Variants in ATF2 observed in about 807,000 individuals in gnomAD.
ATF2 encodes cyclic AMP-dependent transcription factor ATF-2.
In ATF2, 24 loss-of-function variants were observed where a neutral mutation model predicts 60.6. That is an observed-to-expected ratio of 0.40 (90% CI 0.29 to 0.56). The LOEUF (loss-of-function observed/expected upper bound fraction) is 0.56. Among genes scored for constraint, ATF2 ranks in the 20% least tolerant of loss-of-function variants. The pLI, the probability that ATF2 is intolerant of heterozygous loss-of-function variation, is 0.54. For synonymous variants in ATF2, 206 were observed against 215.4 expected (o/e 0.96, Z 0.38); for missense variants, 433 against 607.7 (o/e 0.71, Z 3.02).
intron 10 of ATF2, among the ~76,000 whole-genome samples, chr2:175,103,106 T>G (rs1053160358): frequency 4.6e-5 from 7 of 152,220 alleles, no homozygotes; most frequent in African/African-American, 1.7e-4. Flanking sequence ...AAATAAATTT[T>G]ATCACATCTG....
rs758323363 is a variant in ATF2 at position 175,114,150 on chromosome 2, A to G, written c.627-42T>C. ...AAGAGAAATTTTAAAAAAGAGATTCATACCAACTGTCTCTTAAAAATACAA... is the reference window on the plus strand; with the variant it reads ...AAGAGAAATTTTAAAAAAGAGATTCGTACCAACTGTCTCTTAAAAATACAA... On this transcript the variant is annotated intron_variant, in intron 8 of 13. Transcript: ENST00000264110. 9 of 1,530,108 alleles carry G rather than the reference A, an allele frequency of 5.9e-6. No individual in the cohort carries two copies. In the Middle Eastern group the frequency reaches 8.7e-4, roughly 147 times the overall value. The allele number at this position is 1,530,108 out of a possible 1,614,324, so 94.8% of individuals were successfully genotyped here. A position where few individuals can be genotyped will look rare whatever the true frequency, so the allele number is the denominator to read the frequency against.
intron 2 of ATF2, among the ~76,000 whole-genome samples, chr2:175,149,902 A>C (rs999228850): frequency 1.6e-4 from 25 of 152,084 alleles, no homozygotes; most frequent in African/African-American, 6.0e-4. Context: ...CCCTACCCTC[A>C]AATTTGGATC....
At chr2:175,157,396 A>G (rs1699752713) in intron 1 of ATF2, among the ~76,000 whole-genome samples, 1 of 152,126 alleles carries the variant, frequency 6.6e-6, no homozygotes, top group East Asian at 1.9e-4. Context: ...ACCAATCAGG[A>G]GTCTTGAGAT....
intron 4 of ATF2, among the ~76,000 whole-genome samples, chr2:175,129,165 A>G (rs1263019817): frequency 6.6e-6 from 1 of 152,198 alleles, no homozygotes; most frequent in Non-Finnish European, 1.5e-5. Flanking sequence ...GGAATTAACT[A>G]TTGGTAACAT....
chr2:175,078,007 G>A (rs375381129), intron 13 of ATF2, among the ~76,000 whole-genome samples: 2 of 152,104 alleles, frequency 1.3e-5, no homozygotes, highest in African/African-American at 2.4e-5. Context: ...TCTCCCTGTC[G>A]CCCAGGCTGG....
At chr2:175,112,848 G>C (rs935095137) in intron 9 of ATF2, among the ~76,000 whole-genome samples, 6 of 152,182 alleles carry the variant, frequency 3.9e-5, no homozygotes, top group African/African-American at 1.4e-4. Context: ...GTCTCCCAAA[G>C]TGCTGGGATT....
At chr2:175,099,247 GTGCA>G (rs986886980) in intron 10 of ATF2, among the ~76,000 whole-genome samples, 35 of 151,966 alleles carry the variant, frequency 2.3e-4, no homozygotes, top group African/African-American at 8.4e-4. Flanking sequence ...GGGATTACAG[GTGCA>G]TGCCACCACG....
chr2:175,143,862 G>A (rs1220744818), intron 2 of ATF2, among the ~76,000 whole-genome samples: 1 of 151,972 alleles, frequency 6.6e-6, no homozygotes, highest in African/African-American at 2.4e-5. Flanking sequence ...GCATGATCAT[G>A]GTTCACTACA....
At chr2:175,077,123 G>C (rs1410465921) in intron 13 of ATF2, among the ~76,000 whole-genome samples, 1 of 152,002 alleles carries the variant, frequency 6.6e-6, no homozygotes, top group Non-Finnish European at 1.5e-5. Context: ...CAAAGGACAT[G>C]AACTCATCAT....
chr2:175,156,319 C>T (rs1045882303), intron 1 of ATF2, among the ~76,000 whole-genome samples: 2 of 139,144 alleles, frequency 1.4e-5, no homozygotes, highest in African/African-American at 2.7e-5. Context: ...TGCAGTGAGC[C>T]GAGATTGCAC....
chr2:175,085,100 C>T (rs969403137), intron 12 of ATF2, among the ~76,000 whole-genome samples: 31 of 152,112 alleles, frequency 2.0e-4, no homozygotes, highest in African/African-American at 3.4e-4. Flanking sequence ...ACCTCAATTA[C>T]GGAACTCTAA....
At chr2:175,095,184 G>A (rs372780057) in intron 11 of ATF2, among the ~76,000 whole-genome samples, 4 of 151,068 alleles carry the variant, frequency 2.6e-5, no homozygotes, top group East Asian at 3.9e-4. Flanking sequence ...TACAACTTCC[G>A]CCTCCTGGGT....
At chr2:175,135,686 C>G (rs1156616506) in intron 3 of ATF2, among the ~76,000 whole-genome samples, 1 of 152,072 alleles carries the variant, frequency 6.6e-6, no homozygotes, top group Non-Finnish European at 1.5e-5. Flanking sequence ...AATTAAGGAC[C>G]TTTTTGGATC....
At chr2:175,116,310 G>C (rs1159435786) in intron 7 of ATF2, among the ~76,000 whole-genome samples, 1 of 151,348 alleles carries the variant, frequency 6.6e-6, no homozygotes, top group Non-Finnish European at 1.5e-5. Flanking sequence ...ATTCAGGTCT[G>C]ATAAAATATG....
intron 1 of ATF2, among the ~76,000 whole-genome samples, chr2:175,159,313 C>T (rs576828089): frequency 6.7e-4 from 100 of 150,254 alleles, no homozygotes; most frequent in Middle Eastern, 6.8e-3. Context: ...AGCAAGACTC[C>T]GTCTCAAAAA....
At chr2:175,163,136 AAAATAAATAAATAAAT>A (rs576175911) in intron 1 of ATF2, among the ~76,000 whole-genome samples, 2 of 115,240 alleles carry the variant, frequency 1.7e-5, no homozygotes, top group African/African-American at 7.0e-5. Context: ...TCTGTCTCAA[AAAATAAATAAATAAAT>A]AAATAAATAA....
rs529197283 is a variant in ATF2 at position 175,141,082 on chromosome 2, T to C, written c.-43-4596A>G. ...ATATATATGTGTGTGTATATATATG[T>C]ATACACACACACACACACAAATATC... On this transcript the variant is annotated intron_variant, in intron 2 of 13. Transcript: ENST00000264110. 5.2e-3 allele frequency among the ~76,000 whole-genome samples: 677 copies of C among 130,816 alleles called. 3 individuals are homozygous for C. The highest frequency in any genetic ancestry group is 8.6e-3 in the Non-Finnish European group (526 of 61,136). The allele number at this position is 130,816 out of a possible 152,430, so 85.8% of individuals were successfully genotyped here.
chr2:175,131,576 T>A (rs1449174805), intron 3 of ATF2, among the ~76,000 whole-genome samples: 1 of 152,240 alleles, frequency 6.6e-6, no homozygotes, highest in Non-Finnish European at 1.5e-5. Flanking sequence ...ATAACTAAAT[T>A]TGGAACACCT....
chr2:175,166,693 T>A (rs950258826), intron 1 of ATF2, among the ~76,000 whole-genome samples: 2 of 152,222 alleles, frequency 1.3e-5, no homozygotes, highest in African/African-American at 4.8e-5. Context: ...CAAAGCTATA[T>A]GGCTATTTAA....
Sources: gnomAD v4.1 joint callset for allele counts (sites outside exome capture counted in the v4.1 genomes callset) on GRCh38, gnomAD v4.1.1 for gene constraint, MANE v1.5 for transcripts, NCBI Gene and HGNC (gene_info 2026-07-23, HGNC 2026-07-21) for gene names.